CSMD2: variants seen among roughly 807,000 people sequenced by gnomAD.
The protein encoded by CSMD2 is CUB and Sushi multiple domains 2, also known as CUB and sushi domain-containing protein 2.
Under a neutral mutation model 398.5 loss-of-function variants are expected in CSMD2, and 130 were observed. The observed-to-expected ratio is 0.33, with a 90% confidence interval of 0.28 to 0.38. The LOEUF (loss-of-function observed/expected upper bound fraction) is 0.38. CSMD2 is among the 10% of genes least tolerant of loss of function. The probability of loss-of-function intolerance (pLI) is 1.00; values close to 1 mark genes in which losing one functional copy is unlikely to be tolerated. For synonymous variants in CSMD2, 1,828 were observed against 1,908.5 expected, an observed-to-expected ratio of 0.96 and a Z score of 1.10; for missense variants, 3,829 against 4,764.9, an observed-to-expected ratio of 0.80 and a Z score of 5.78.
Position 33,584,895 on chromosome 1 carries a change from C to G in CSMD2, c.7052-1065G>C, listed in dbSNP as rs138645111. 3.5e-3 allele frequency among the ~76,000 whole-genome samples: 526 copies of G among 152,052 alleles called. 4 individuals carry two copies. The highest frequency in any genetic ancestry group is 0.012 in the African/African-American group (501 of 41,466). On this transcript the variant is annotated intron_variant, in intron 46 of 70. Transcript: ENST00000373381. ...AGCTTGGAACTTAGAAAAGGAGGAG[C>G]TGGAGGAGCAGGATTCGTTATTTCG...
chr1:33,916,844 C>G (rs976288065), intron 5 of CSMD2, among the ~76,000 whole-genome samples: 2 of 152,144 alleles, frequency 1.3e-5, no homozygotes, highest in African/African-American at 4.8e-5. Flanking sequence ...CAATGAGCTC[C>G]TTAAAAAACC....
intron 25 of CSMD2, among the ~76,000 whole-genome samples, chr1:33,670,258 G>A (rs1027169791): frequency 2.0e-5 from 3 of 152,084 alleles, no homozygotes; most frequent in South Asian, 2.1e-4. Context: ...CTTAACTCTT[G>A]TGCCAGTGTC....
intron 13 of CSMD2, among the ~76,000 whole-genome samples, chr1:33,747,594 AG>A (rs1350179520): frequency 1.3e-5 from 2 of 152,198 alleles, no homozygotes; most frequent in African/African-American, 2.4e-5. Context: ...AGCATGGGGT[AG>A]GGGGGTTGTA....
In CSMD2 at chr1:33,635,357, AG is replaced by A; in HGVS notation, c.4970-28del. On this transcript the variant is annotated intron_variant, in intron 30 of 70. Coordinates refer to ENST00000373381, the MANE Select transcript of CSMD2 (RefSeq NM_001281956.2). This position sits in a 1 kb window ranked among gnomAD's most constrained non-coding sequence, Gnocchi z 5.0. ...TGAAAGAGAAACCAGATAGAGAGTC[AG>A]GTGACCTTGTGGGCCTCTTACCAGT... 1 of 1,420,464 alleles carries A rather than the reference AG, an allele frequency of 7.0e-7. No individual in the cohort carries two copies. 88.0% of individuals were successfully genotyped at this position (1,420,464 alleles called of 1,614,324 possible).
At chr1:33,674,273 CA>C (rs1644618983) in intron 25 of CSMD2, among the ~76,000 whole-genome samples, 1 of 151,704 alleles carries the variant, frequency 6.6e-6, no homozygotes, top group Non-Finnish European at 1.5e-5. Flanking sequence ...ATCTACCAAG[CA>C]AATGGAAAAC....
At chr1:33,984,023 G>A (rs763074373) in intron 3 of CSMD2, among the ~76,000 whole-genome samples, 3 of 152,118 alleles carry the variant, frequency 2.0e-5, no homozygotes, top group East Asian at 1.9e-4. Context: ...GCGTGGTGGC[G>A]CATGCCTGTA....
chr1:33,865,511 C>T (rs1639965363), intron 5 of CSMD2, among the ~76,000 whole-genome samples: 1 of 152,012 alleles, frequency 6.6e-6, no homozygotes, highest in Non-Finnish European at 1.5e-5. Flanking sequence ...AGCACTCTGA[C>T]TCCCTTTCGT....
intron 64 of CSMD2, among the ~76,000 whole-genome samples, chr1:33,532,136 G>C (rs910629634): frequency 6.6e-6 from 1 of 152,188 alleles, no homozygotes; most frequent in Non-Finnish European, 1.5e-5. Context: ...TGAGTGGCAG[G>C]ATAGCAAAAT....
At position 33,601,255 on chromosome 1, in the gene CSMD2, A is replaced by G. The variant is rs76099688; in HGVS notation, c.6711-245T>C. On this transcript the variant is annotated intron_variant, in intron 43 of 70. Coordinates refer to ENST00000373381, the MANE Select transcript of CSMD2 (RefSeq NM_001281956.2). ...ATCCACCTGATTCTTCACCAGCCCA[A>G]TGGGCTCCTGGGCAAATTTAGGCTC... 6.7e-3 allele frequency among the ~76,000 whole-genome samples: 1,022 copies of G among 152,214 alleles called. 10 individuals carry two copies. Among genetic ancestry groups the G allele is most frequent in the African/African-American group, 0.022 (901 of 41,516 alleles).
At chr1:34,154,860 T>C (rs1259731449) in intron 1 of CSMD2, among the ~76,000 whole-genome samples, 1 of 151,774 alleles carries the variant, frequency 6.6e-6, no homozygotes, top group Non-Finnish European at 1.5e-5. Context: ...CCTAAGAAGC[T>C]GGGATTACAG....
chr1:33,680,918 CTTTTTTTT>C lies in CSMD2; in HGVS notation c.4052+12004_4052+12011del, dbSNP rs66489770. ...CTTATTTCCATCATCCTGTTTTATG[CTTTTTTTT>C]TTTTTTTTTTTTTTTTGAGACAGAA... On this transcript the variant is annotated intron_variant, in intron 25 of 70. Coordinates refer to ENST00000373381, the MANE Select transcript of CSMD2 (RefSeq NM_001281956.2). 3.7e-4 allele frequency among the ~76,000 whole-genome samples: 28 copies of C among 75,942 alleles called. No homozygotes were observed. The Admixed American group carries it at 5.6e-3, about 15-fold the overall frequency. The allele number at this position is 75,942 out of a possible 152,430, so 49.8% of individuals were successfully genotyped here. A position where few individuals can be genotyped will look rare whatever the true frequency, so the allele number is the denominator to read the frequency against.
chr1:33,537,752 T>A lies in CSMD2; in HGVS notation c.9632-143A>T. The A allele has an allele frequency of 1.4e-6, 1 of 713,952 alleles. No individual in the cohort carries two copies. The highest frequency in any genetic ancestry group is 2.2e-6 in the Non-Finnish European group (1 of 459,638). The allele number at this position is 713,952 out of a possible 1,614,324, so 44.2% of individuals were successfully genotyped here. ...GGGAACCGGGGCAGCCCCAGGTAGG[T>A]GCTTCCACCTGCTGCGGTGCTGCTG... On this transcript the variant is annotated intron_variant, in intron 60 of 70. Coordinates refer to ENST00000373381, the MANE Select transcript of CSMD2 (RefSeq NM_001281956.2). This position sits in a 1 kb window ranked among gnomAD's most constrained non-coding sequence, Gnocchi z 4.6.
rs56960059 is a variant in CSMD2 at position 34,096,167 on chromosome 1, C to T, written c.188-6974G>A. 9.2e-3 allele frequency among the ~76,000 whole-genome samples: 1,382 copies of T among 149,786 alleles called. 14 individuals are homozygous for T. Among genetic ancestry groups the T allele is most frequent in the East Asian group, 0.028 (141 of 4,958 alleles). ...AGAGCCAAAGACAAAAACCACATGA[C>T]TATCTCAATAGATGCAGAAAAGGCC... On this transcript the variant is annotated intron_variant, in intron 1 of 70. Transcript: ENST00000373381.
chr1:33,521,047 A>G (rs1654227919), intron 68 of CSMD2, among the ~76,000 whole-genome samples: 1 of 152,200 alleles, frequency 6.6e-6, no homozygotes, highest in African/African-American at 2.4e-5. Context: ...GCACAAAACC[A>G]GTCTTCTAGG....
chr1:33,836,886 A>G (rs1660339387), intron 6 of CSMD2, among the ~76,000 whole-genome samples: 1 of 152,142 alleles, frequency 6.6e-6, no homozygotes, highest in African/African-American at 2.4e-5. Flanking sequence ...CCACTCTCCG[A>G]CAATCCCCAG....
At chr1:33,584,437 C>T (rs776510627) in intron 46 of CSMD2, among the ~76,000 whole-genome samples, 13 of 152,144 alleles carry the variant, frequency 8.5e-5, no homozygotes, top group East Asian at 7.7e-4. Context: ...TGTGGGAGGC[C>T]GGGGCGGGTG....
In CSMD2 at chr1:34,108,520, C is replaced by G. The variant is rs115341789; in HGVS notation, c.188-19327G>C. Reference sequence around the variant, plus strand: ...AGCAAGAGTAGCCCTGTCCATGGTCCGGAACCGTAAATGTCCTCAGGGGAG... The same window carrying G: ...AGCAAGAGTAGCCCTGTCCATGGTCGGGAACCGTAAATGTCCTCAGGGGAG... On this transcript the variant is annotated intron_variant, in intron 1 of 70. Coordinates refer to ENST00000373381, the MANE Select transcript of CSMD2 (RefSeq NM_001281956.2). Among the ~76,000 whole-genome samples, 1,479 of 152,262 alleles carry G rather than the reference C, an allele frequency of 9.7e-3. 22 individuals carry two copies. Among genetic ancestry groups the G allele is most frequent in the African/African-American group, 0.034 (1,421 of 41,540 alleles).
chr1:33,621,701 G>T, intron 37 of CSMD2, among the ~76,000 whole-genome samples: 1 of 152,176 alleles, frequency 6.6e-6, no homozygotes, highest in East Asian at 1.9e-4. Context: ...GTATTTGGTA[G>T]TGACCACTTA....
At chr1:33,888,242 T>C (rs1246945834) in intron 5 of CSMD2, among the ~76,000 whole-genome samples, 13 of 152,150 alleles carry the variant, frequency 8.5e-5, no homozygotes, top group Admixed American at 8.5e-4. Flanking sequence ...GAAATTTCTT[T>C]GGGGGAAATC....
Sources: allele counts gnomAD v4.1 joint callset (sites outside exome capture counted in the v4.1 genomes callset), GRCh38; gene constraint gnomAD v4.1.1; non-coding constraint Gnocchi (gnomAD v3.1); transcripts MANE v1.5; gene names NCBI Gene and HGNC (gene_info 2026-07-23, HGNC 2026-07-21).